LARGE1: variants seen among roughly 807,000 people sequenced by gnomAD.
LARGE1 encodes xylosyl- and glucuronyltransferase LARGE1.
In LARGE1, 43 loss-of-function variants were observed where a neutral mutation model predicts 87.6. The observed-to-expected ratio is 0.49, with a 90% CI of 0.38 to 0.63. The LOEUF (loss-of-function observed/expected upper bound fraction) is 0.63, where lower values mean the gene tolerates loss of function less well. LARGE1 is among the 30% of genes least tolerant of loss of function. The pLI, the probability that LARGE1 is intolerant of heterozygous loss-of-function variation, is 0.00. For synonymous variants in LARGE1, 434 were observed against 394.6 expected (o/e 1.10, Z -1.18); for missense variants, 802 against 1,000.2 (o/e 0.80, Z 2.67).
chr22:33,319,473 GCAACCTC>G (rs1569051037), intron 10 of LARGE1, among the ~76,000 whole-genome samples: 7 of 152,118 alleles, frequency 4.6e-5, no homozygotes, highest in Admixed American at 4.6e-4. Context: ...TCAGCTCACT[GCAACCTC>G]TGCCTCCCGG....
At chr22:33,184,101 T>TATATATATATATATATATATATCA (rs1389759531) in intron 11 of LARGE1, among the ~76,000 whole-genome samples, 2 of 146,500 alleles carry the variant, frequency 1.4e-5, no homozygotes, top group African/African-American at 5.0e-5. Flanking sequence ...TATATATATA[T>TATATATATATATATATATATATCA]ATCATATCTT....
intron 2 of LARGE1, among the ~76,000 whole-genome samples, chr22:33,709,982 A>G (rs1027692625): frequency 6.6e-5 from 8 of 121,030 alleles, no homozygotes; most frequent in African/African-American, 3.6e-4. Flanking sequence ...CTAGGCAGAA[A>G]AAAAAAAAAA....
At chr22:33,185,682 C>A (rs1475699969) in intron 11 of LARGE1, among the ~76,000 whole-genome samples, 1 of 152,034 alleles carries the variant, frequency 6.6e-6, no homozygotes, top group Admixed American at 6.6e-5. Context: ...CTCTGTAATT[C>A]CACTCAATGT....
chr22:33,914,340 C>T (rs941235676), intron 1 of LARGE1, among the ~76,000 whole-genome samples: 3 of 152,182 alleles, frequency 2.0e-5, no homozygotes, highest in Non-Finnish European at 4.4e-5. Flanking sequence ...GGTAATCTCC[C>T]GTTCAGGCCA....
chr22:33,627,674 CCACTGT>C (rs1187134812), intron 3 of LARGE1, among the ~76,000 whole-genome samples: 1 of 152,112 alleles, frequency 6.6e-6, no homozygotes, highest in African/African-American at 2.4e-5. Context: ...CTTCATCACC[CCACTGT>C]CTTATATCAG....
intron 11 of LARGE1, among the ~76,000 whole-genome samples, chr22:33,182,105 A>G (rs1923203824): frequency 6.6e-6 from 1 of 152,180 alleles, no homozygotes. Flanking sequence ...TATAGGCGTG[A>G]GCCACCGCAC....
chr22:33,674,536 C>T (rs551005089), intron 2 of LARGE1, among the ~76,000 whole-genome samples: 66 of 152,242 alleles, frequency 4.3e-4, no homozygotes, highest in African/African-American at 1.6e-3. Flanking sequence ...GACTCAAGGC[C>T]GTGCATGCTC....
At chr22:33,796,774 T>C (rs2085998984) in intron 1 of LARGE1, among the ~76,000 whole-genome samples, 1 of 148,896 alleles carries the variant, frequency 6.7e-6, no homozygotes, top group South Asian at 2.2e-4. Flanking sequence ...GGGCTTTTTT[T>C]TTTTTTTTTT....
intron 4 of LARGE1, among the ~76,000 whole-genome samples, chr22:33,624,174 T>C (rs1294327960): frequency 2.0e-5 from 3 of 152,250 alleles, no homozygotes. Context: ...TCACGTTCTT[T>C]ATTAATGAAC....
chr22:33,717,206 CA>C (rs1420904349), intron 2 of LARGE1, among the ~76,000 whole-genome samples: 1 of 152,102 alleles, frequency 6.6e-6, no homozygotes, highest in Non-Finnish European at 1.5e-5. Flanking sequence ...CCTTCCTACC[CA>C]TTCATCCACC....
intron 12 of LARGE1, among the ~76,000 whole-genome samples, chr22:33,299,606 C>A (rs1444412712): frequency 2.0e-5 from 3 of 152,220 alleles, no homozygotes; most frequent in East Asian, 3.9e-4. Flanking sequence ...CACAGAAGTC[C>A]AATACTGAAT....
rs188240586 is a variant in LARGE1 at position 33,727,037 on chromosome 22, A to G, written c.106+34334T>C. ...GCCGGGTAGGGAGAATCAGTCTGTCATGGCTAGCACGGATGGGTCAATGCC... is the reference window on the plus strand; with the variant it reads ...GCCGGGTAGGGAGAATCAGTCTGTCGTGGCTAGCACGGATGGGTCAATGCC... On this transcript the variant is annotated intron_variant, in intron 2 of 14. Transcript: ENST00000397394. Among the ~76,000 whole-genome samples the G allele has an allele frequency of 2.1e-3, 327 of 152,312 alleles. 2 individuals are homozygous for G. Among genetic ancestry groups the G allele is most frequent in the African/African-American group, 7.3e-3 (305 of 41,572 alleles).
At chr22:33,124,186 C>G in the LARGE1 span, among the ~76,000 whole-genome samples, 3 of 151,956 alleles carry the variant, frequency 2.0e-5, no homozygotes, top group Non-Finnish European at 4.4e-5. Context: ...ACTCGAGCGG[C>G]TGAGGCAGGA....
chr22:33,356,614 T>C (rs1308766576), intron 9 of LARGE1, among the ~76,000 whole-genome samples: 1 of 151,900 alleles, frequency 6.6e-6, no homozygotes, highest in Non-Finnish European at 1.5e-5. Flanking sequence ...CTACTAAAAA[T>C]ACAAAAATTA....
At chr22:33,519,303 G>A (rs1371939345) in intron 6 of LARGE1, among the ~76,000 whole-genome samples, 1 of 151,962 alleles carries the variant, frequency 6.6e-6, no homozygotes, top group Admixed American at 6.6e-5. Flanking sequence ...GGAGACCCAG[G>A]GGGGCTCCCT....
chr22:33,572,153 A>T, intron 5 of LARGE1: 2 of 1,212,692 alleles, frequency 1.6e-6, no homozygotes, highest in Non-Finnish European at 2.2e-6. Flanking sequence ...ACCCATATTA[A>T]CATTTTGCTG....
rs1064796524 is a variant in LARGE1 at position 33,316,193 on chromosome 22, C to T, written c.1343G>A (p.Arg448Gln). The change falls in exon 11 of 15, where the codon CGA becomes CAA. Residue 448 changes from arginine (R) to glutamine (Q), a missense_variant. Physicochemically the swap from Arg to Gln is conservative, Grantham distance 43. Transcript: ENST00000397394. ...GGTGCGGTGGACAGTGAAGCGCTCT[C>T]GCCGGAACTCATAGCACAGGTCGTC... is the stretch of plus-strand genomic sequence containing the variant. ...DEDDLCYEFR[R>Q]ERFTVHRTHL... 2 of 1,614,032 alleles carry T rather than the reference C, an allele frequency of 1.2e-6. No homozygotes were observed. The highest frequency in any genetic ancestry group is 1.7e-6 in the Non-Finnish European group (2 of 1,179,990).
intron 10 of LARGE1, among the ~76,000 whole-genome samples, chr22:33,323,207 G>A (rs8135054): frequency 0.047 from 7,112 of 152,214 alleles, 290 homozygotes; most frequent in African/African-American, 0.12. Context: ...GCTGTCAGAC[G>A]TACCTGTCCA....
intron 1 of LARGE1, among the ~76,000 whole-genome samples, chr22:33,886,861 C>T (rs574292959): frequency 6.6e-6 from 1 of 152,116 alleles, no homozygotes; most frequent in Non-Finnish European, 1.5e-5. Context: ...CAAAAAGACA[C>T]CCCTGGCTCT....
Sources: allele counts gnomAD v4.1 joint callset (sites outside exome capture counted in the v4.1 genomes callset), GRCh38; gene constraint gnomAD v4.1.1; transcripts MANE v1.5; gene names NCBI Gene and HGNC (gene_info 2026-07-23, HGNC 2026-07-21).